APOBEC3D: variants seen among roughly 807,000 people sequenced by gnomAD.
APOBEC3D encodes apolipoprotein B mRNA editing enzyme catalytic subunit 3D.
In APOBEC3D, 37 loss-of-function variants were observed where a neutral mutation model predicts 45.6. The ratio of observed to expected loss-of-function variants is 0.81; its 90% CI spans 0.62 to 1.07. APOBEC3D has a LOEUF of 1.07. Among genes scored for constraint, APOBEC3D ranks in the 50% least tolerant of loss-of-function variants. The pLI, the probability that APOBEC3D is intolerant of heterozygous loss-of-function variation, is 0.00. For missense variants in APOBEC3D, 496 were observed against 495.3 expected (o/e 1.00, Z -0.01); for synonymous variants, 175 against 180.7 (o/e 0.97, Z 0.25).
Position 39,032,589 on chromosome 22 carries a change from CT to C in APOBEC3D, c.*295del, listed in dbSNP as rs34108294. ...TCCCATCTCCCCAGCATAACCAAAT[CT>C]TTTTTTTTTTTTTTTTTTTTTGAGA... On this transcript the variant is annotated 3_prime_UTR_variant, in exon 7 of 7. Coordinates refer to ENST00000216099, the MANE Select transcript of APOBEC3D (RefSeq NM_152426.4). 0.056 allele frequency: 48,591 copies of C among 863,778 alleles called. 53 individuals carry two copies. Among genetic ancestry groups the C allele is most frequent in the African/African-American group, 0.096 (3,313 of 34,566 alleles). The allele number at this position is 863,778 out of a possible 1,614,324, so 53.5% of individuals were successfully genotyped here.
intron 3 of APOBEC3D, 98 bp from the exon 4 acceptor site, chr22:39,025,459 G>A (rs1925548765): frequency 3.7e-6 from 6 of 1,613,834 alleles, no homozygotes; most frequent in African/African-American, 1.3e-5. Flanking sequence ...CAGGGGTGGG[G>A]CTGGCACTGA....
At chr22:39,027,912 C>G (rs1200469742) in intron 4 of APOBEC3D, among the ~76,000 whole-genome samples, 1 of 152,238 alleles carries the variant, frequency 6.6e-6, no homozygotes, top group Non-Finnish European at 1.5e-5. Context: ...CTGGTGCTCC[C>G]CGCCTTGGGA....
intron 4 of APOBEC3D, among the ~76,000 whole-genome samples, chr22:39,026,695 A>T (rs1416108151): frequency 6.6e-6 from 1 of 151,966 alleles, no homozygotes. Context: ...ACAGGGATGG[A>T]GATGCAGAAA....
intron 5 of APOBEC3D, 100 bp downstream of exon 5, chr22:39,029,619 T>C: frequency 7.3e-7 from 1 of 1,378,528 alleles, no homozygotes; most frequent in Non-Finnish European, 9.8e-7. Flanking sequence ...CTGCTATGTG[T>C]ACTTTCCTCT....
chr22:39,027,407 G>T (rs1925782027), intron 4 of APOBEC3D, among the ~76,000 whole-genome samples: 1 of 152,136 alleles, frequency 6.6e-6, no homozygotes, highest in Non-Finnish European at 1.5e-5. Flanking sequence ...ACCGGGTGGG[G>T]GGCGTCCCTG....
chr22:39,032,533 C>A lies in APOBEC3D; in HGVS notation c.*217C>A, dbSNP rs1926327192. The A allele has an allele frequency of 2.0e-5, 26 of 1,292,486 alleles. No homozygotes were observed. In the South Asian group the frequency reaches 6.4e-4, roughly 32 times the overall value. 80.1% of individuals were successfully genotyped at this position (1,292,486 alleles called of 1,614,324 possible). ...CTCCATCCACCTCCCCAGTCCTGTT[C>A]CCCCAGCCTGGGTGCCCCTAACTTG... is the stretch of plus-strand genomic sequence containing the variant. On this transcript the variant is annotated 3_prime_UTR_variant, in exon 7 of 7. Coordinates refer to ENST00000216099, the MANE Select transcript of APOBEC3D (RefSeq NM_152426.4).
intron 5 of APOBEC3D, 58 bp from the exon 6 acceptor site, chr22:39,031,636 T>G (rs1430099085): frequency 6.2e-7 from 1 of 1,601,324 alleles, no homozygotes; most frequent in Non-Finnish European, 8.5e-7. Flanking sequence ...GCCCCACCCC[T>G]ACACTCCTCC....
intron 4 of APOBEC3D, among the ~76,000 whole-genome samples, chr22:39,027,781 C>T (rs1246345713): frequency 6.6e-6 from 1 of 152,194 alleles, no homozygotes; most frequent in Non-Finnish European, 1.5e-5. Flanking sequence ...GCTCCCACTA[C>T]CAGCCAGGCT....
chr22:39,023,100 A>T, intron 2 of APOBEC3D, 86 bp downstream of exon 2: 13 of 1,017,144 alleles, frequency 1.3e-5, no homozygotes, highest in South Asian at 7.7e-5. Context: ...ACATTTATTT[A>T]TTTTTTCTAT....
In APOBEC3D at chr22:39,032,541, C is replaced by G; in HGVS notation, c.*225C>G. On this transcript the variant is annotated 3_prime_UTR_variant, in exon 7 of 7. Coordinates refer to ENST00000216099, the MANE Select transcript of APOBEC3D (RefSeq NM_152426.4). ...ACCTCCCCAGTCCTGTTCCCCCAGC[C>G]TGGGTGCCCCTAACTTGACTCTTCC... 1 of 1,280,952 alleles carries G rather than the reference C, an allele frequency of 7.8e-7. No homozygotes were observed. The highest frequency in any genetic ancestry group is 3.0e-5 in the East Asian group (1 of 33,282). 79.3% of individuals were successfully genotyped at this position (1,280,952 alleles called of 1,614,324 possible).
In APOBEC3D at chr22:39,025,818, C is replaced by T. The variant is rs1350421588; in HGVS notation, c.605+147C>T. Reference sequence around the variant, plus strand: ...CACCCCCTCACCCACACTCCTCATGCTCCCTCCACCTTGGTGCCTCCCCCC... The same window carrying T: ...CACCCCCTCACCCACACTCCTCATGTTCCCTCCACCTTGGTGCCTCCCCCC... On this transcript the variant is annotated intron_variant, in intron 4 of 6. Transcript: ENST00000216099. The T allele has an allele frequency of 5.4e-6, 8 of 1,484,596 alleles. No homozygotes were observed. The East Asian group carries it at 1.9e-4, about 34-fold the overall frequency. 92.0% of individuals were successfully genotyped at this position (1,484,596 alleles called of 1,614,324 possible).
intron 4 of APOBEC3D, among the ~76,000 whole-genome samples, chr22:39,028,835 T>A (rs1399477861): frequency 6.6e-6 from 1 of 152,136 alleles, no homozygotes; most frequent in Non-Finnish European, 1.5e-5. Flanking sequence ...CTTGGGAGGC[T>A]GAGGCAGGAG....
chr22:39,023,909 G>A (rs1925376520), intron 2 of APOBEC3D, among the ~76,000 whole-genome samples: 1 of 151,958 alleles, frequency 6.6e-6, no homozygotes, highest in African/African-American at 2.4e-5. Flanking sequence ...TCCCCGCCTT[G>A]TCCCACCCAT....
chr22:39,026,696 G>A (rs545791710), intron 4 of APOBEC3D, among the ~76,000 whole-genome samples: 1 of 152,002 alleles, frequency 6.6e-6, no homozygotes, highest in South Asian at 2.1e-4. Flanking sequence ...CAGGGATGGA[G>A]ATGCAGAAAG....
chr22:39,025,395 TC>T lies in APOBEC3D; in HGVS notation c.490+47del, dbSNP rs769992817. The stretch of plus-strand genomic sequence containing the variant: ...GGGAGCATGACGGGGAGGAACAGCC[TC>T]AGAGATGGATGGATCTGCAATGCCA... On this transcript the variant is annotated intron_variant, in intron 3 of 6. Coordinates refer to ENST00000216099, the MANE Select transcript of APOBEC3D (RefSeq NM_152426.4). 3 of 1,612,118 alleles carry T rather than the reference TC, an allele frequency of 1.9e-6. No homozygotes were observed. In the Admixed American group the frequency reaches 5.0e-5, roughly 27 times the overall value.
chr22:39,027,908 C>T lies in APOBEC3D; in HGVS notation c.606-1455C>T, dbSNP rs543167255. 2.6e-5 allele frequency among the ~76,000 whole-genome samples: 4 copies of T among 152,360 alleles called. No homozygotes were observed. The South Asian group carries it at 8.3e-4, about 32-fold the overall frequency. Reference sequence around the variant, plus strand: ...CCTGAGAGTCATGCCCGGGCTGGTGCTCCCCGCCTTGGGAGGGTGCTCCCT... The same window carrying T: ...CCTGAGAGTCATGCCCGGGCTGGTGTTCCCCGCCTTGGGAGGGTGCTCCCT... On this transcript the variant is annotated intron_variant, in intron 4 of 6. Coordinates refer to ENST00000216099, the MANE Select transcript of APOBEC3D (RefSeq NM_152426.4).
In APOBEC3D at chr22:39,029,408, TA is replaced by T. The variant is rs1255934185; in HGVS notation, c.656del (p.Asn219ThrfsTer3). 8 of 1,614,052 alleles carry T rather than the reference TA, an allele frequency of 5.0e-6. No homozygotes were observed. The African/African-American group carries it at 6.7e-5, about 13-fold the overall frequency. On this transcript the variant is annotated frameshift_variant, in exon 5 of 7. Transcript: ENST00000216099. LOFTEE classifies it high-confidence loss of function. ...MYPHIFYFHF[K>X]NLLKACGRNE... ...ACCCACACATATTCTACTTCCACTTTAAAAACCTACTGAAAGCCTGTGGTCG... is the reference window on the plus strand; with the variant it reads ...ACCCACACATATTCTACTTCCACTTTAAAACCTACTGAAAGCCTGTGGTCG...
chr22:39,023,591 T>G (rs984164446), intron 2 of APOBEC3D, among the ~76,000 whole-genome samples: 15 of 151,664 alleles, frequency 9.9e-5, no homozygotes, highest in Admixed American at 7.2e-4. Flanking sequence ...GGATTACAGG[T>G]GCACGCCACC....
chr22:39,024,043 A>G (rs1457834627), intron 2 of APOBEC3D, among the ~76,000 whole-genome samples: 10 of 152,228 alleles, frequency 6.6e-5, no homozygotes, highest in Admixed American at 6.5e-4. Flanking sequence ...GGACTCAGGA[A>G]TGAAGCACAA....
Sources: gnomAD v4.1 joint callset for allele counts (sites outside exome capture counted in the v4.1 genomes callset) on GRCh38, gnomAD v4.1.1 for gene constraint, MANE v1.5 for transcripts, NCBI Gene and HGNC (gene_info 2026-07-23, HGNC 2026-07-21) for gene names.